Variants in PFKFB2 observed in about 807,000 individuals in gnomAD.
The protein encoded by PFKFB2 is 6-phosphofructo-2-kinase/fructose-2,6-bisphosphatase 2.
Under a neutral mutation model 68.0 loss-of-function variants are expected in PFKFB2, and 53 were observed. The ratio of observed to expected loss-of-function variants is 0.78; its 90% CI spans 0.63 to 0.98. PFKFB2 has a LOEUF of 0.98. Ranked by LOEUF, PFKFB2 falls within the 50% of genes least tolerant of loss-of-function variation. PFKFB2 has a pLI of 0.00. For synonymous variants in PFKFB2, 222 were observed against 227.6 expected (o/e 0.98, Z 0.22); for missense variants, 451 against 642.0 (o/e 0.70, Z 3.22).
At chr1:207,034,469 A>G (rs1032302415) in exon 1 of PFKFB2, 1 of 152,258 alleles carries the variant, frequency 6.6e-6, no homozygotes, top group African/African-American at 2.4e-5. Context: ...ATCCAGCTCC[A>G]TAGGTGTGTG....
chr1:207,063,197 T>C lies in PFKFB2; in HGVS notation c.363T>C (p.Asn121=), dbSNP rs770942652. Residue 121 remains asparagine, a synonymous_variant, in exon 5 of 15, where the codon AAT becomes AAC. Coordinates refer to ENST00000367080, the MANE Select transcript of PFKFB2 (RefSeq NM_006212.2). The surrounding 1 kb of genome is among the most constrained non-coding windows in gnomAD (Gnocchi z 4.1). ...EDVKAYLTEE[N]GQIAVFDATN... Reference sequence around the variant, plus strand: ...TTAAGGCGTATCTCACTGAGGAGAATGGTCAGATTGCGGTAAGCTTTATCT... The same window carrying C: ...TTAAGGCGTATCTCACTGAGGAGAACGGTCAGATTGCGGTAAGCTTTATCT... The C allele has an allele frequency of 5.6e-6, 9 of 1,613,826 alleles. No homozygotes were observed. Among genetic ancestry groups the C allele is most frequent in the Non-Finnish European group, 7.6e-6 (9 of 1,179,664 alleles).
chr1:207,043,168 T>C (rs934209729), intron 2 of PFKFB2, among the ~76,000 whole-genome samples: 3 of 152,194 alleles, frequency 2.0e-5, no homozygotes, highest in Admixed American at 6.5e-5. Context: ...TTGGGAAGCA[T>C]TGCTTTATGG....
At chr1:207,079,046 T>C, downstream of PFKFB2, 1 of 1,576,256 alleles carries the variant, frequency 6.3e-7, no homozygotes, top group Non-Finnish European at 8.7e-7. Context: ...GCCTCACCTC[T>C]CCAAACGACT....
intron 2 of PFKFB2, among the ~76,000 whole-genome samples, chr1:207,058,234 G>C (rs1211095990): frequency 6.6e-6 from 1 of 152,182 alleles, no homozygotes; most frequent in African/African-American, 2.4e-5. Flanking sequence ...GATGAATAAA[G>C]ATAAAATGTC....
Position 207,075,641 on chromosome 1 carries a change from A to T in PFKFB2, c.*3270A>T, listed in dbSNP as rs1006604129. On this transcript the variant is annotated 3_prime_UTR_variant, in exon 15 of 15. Transcript: ENST00000367080. ...ACATTAGCATTTAATCTACTGGAAT[A>T]AGCTGGTTGCTGTGGCTTATACCTG... 1.0e-6 allele frequency: 1 copy of T among 984,774 alleles called. No homozygotes were observed. The highest frequency in any genetic ancestry group is 1.7e-5 in the African/African-American group (1 of 57,218). 61.0% of individuals were successfully genotyped at this position (984,774 alleles called of 1,614,324 possible). A position where few individuals can be genotyped will look rare whatever the true frequency, so the allele number is the denominator to read the frequency against.
At chr1:207,045,761 G>A (rs1244082371) in intron 2 of PFKFB2, 2 of 152,024 alleles carry the variant, frequency 1.3e-5, no homozygotes, top group African/African-American at 4.8e-5. Flanking sequence ...TTAGGCATGG[G>A]CATTTAGGGA....
At position 207,068,604 on chromosome 1, in the gene PFKFB2, A is replaced by G. The variant is rs144556613; in HGVS notation, c.987+295A>G. 5.3e-5 allele frequency among the ~76,000 whole-genome samples: 8 copies of G among 152,222 alleles called. No individual in the cohort carries two copies. The East Asian group carries it at 1.4e-3, about 26-fold the overall frequency. ...ACAAGGACTCATTTTGTTCCTTTGT[A>G]TATTTGCCTCCTGGGAAAAATAAAT... On this transcript the variant is annotated intron_variant, in intron 10 of 14. Transcript: ENST00000367080.
upstream of PFKFB2, chr1:207,052,437 G>A: frequency 2.0e-6 from 1 of 489,588 alleles, no homozygotes; most frequent in Admixed American, 3.7e-5. Context: ...CGAGGCGGGT[G>A]AATCACCCGA....
Position 207,070,900 on chromosome 1 carries a change from A to C in PFKFB2, c.1223-288A>C. 3 of 366,966 alleles carry C rather than the reference A, an allele frequency of 8.2e-6. No individual in the cohort carries two copies. Among genetic ancestry groups the C allele is most frequent in the Non-Finnish European group, 5.0e-6 (1 of 198,636 alleles). 22.7% of individuals were successfully genotyped at this position (366,966 alleles called of 1,614,324 possible). On this transcript the variant is annotated intron_variant, in intron 12 of 14. Coordinates refer to ENST00000367080, the MANE Select transcript of PFKFB2 (RefSeq NM_006212.2). The surrounding 1 kb of genome is among the most constrained non-coding windows in gnomAD (Gnocchi z 4.2). The stretch of plus-strand genomic sequence containing the variant: ...TTGGAAGCTGTTGTGGTCAGACCTT[A>C]TTGGCCTTTGCTGTACCCAGGTGAC...
Position 207,067,681 on chromosome 1 carries a change from C to G in PFKFB2, c.815C>G (p.Ser272Cys). 1 of 1,613,968 alleles carries G rather than the reference C, an allele frequency of 6.2e-7. No individual in the cohort carries two copies. The highest frequency in any genetic ancestry group is 2.2e-5 in the East Asian group (1 of 44,878). The change falls in exon 9 of 15, where the codon TCT becomes TGT. Residue 272 changes from serine (S) to cysteine (C), a missense_variant. Ser to Cys is a moderately radical substitution (Grantham distance 112, BLOSUM62 -1). Transcript: ENST00000367080. ...CTCTTGGGGAAGATTGGGGGTGACT[C>G]TGGCCTCTCGGTGCGGGGAAAGCAG... is the stretch of plus-strand genomic sequence containing the variant. Reference protein sequence around the residue: ...FNLLGKIGGDSGLSVRGKQFA... With the variant: ...FNLLGKIGGDCGLSVRGKQFA...
intron 1 of PFKFB2, among the ~76,000 whole-genome samples, chr1:207,035,852 G>A (rs1682367722): frequency 1.3e-5 from 2 of 152,118 alleles, no homozygotes; most frequent in Admixed American, 6.5e-5. Flanking sequence ...GAGAGAGGAA[G>A]GAGGTGCTAA....
intron 8 of PFKFB2, among the ~76,000 whole-genome samples, chr1:207,067,059 A>G (rs563419342): frequency 4.3e-4 from 65 of 152,320 alleles, no homozygotes; most frequent in Non-Finnish European, 6.9e-4. Context: ...GGGAGTATAT[A>G]GACATTTCTG....
In PFKFB2 at chr1:207,063,104, C is replaced by A. The variant is rs763685440; in HGVS notation, c.309-39C>A. 4.5e-6 allele frequency: 7 copies of A among 1,567,740 alleles called. No homozygotes were observed. Among genetic ancestry groups the A allele is most frequent in the Non-Finnish European group, 4.4e-6 (5 of 1,138,422 alleles). The stretch of plus-strand genomic sequence containing the variant: ...ATGTTTGTGTCTCTGACTGTTTGAG[C>A]TTAGCTCTCCTTGCTGGTTTCATTT... On this transcript the variant is annotated intron_variant, in intron 4 of 14. Coordinates refer to ENST00000367080, the MANE Select transcript of PFKFB2 (RefSeq NM_006212.2). The surrounding 1 kb of genome is among the most constrained non-coding windows in gnomAD (Gnocchi z 4.1).
At chr1:207,051,342 A>T (rs1193396408), upstream of PFKFB2, among the ~76,000 whole-genome samples, 1 of 151,818 alleles carries the variant, frequency 6.6e-6, no homozygotes, top group Admixed American at 6.6e-5. Flanking sequence ...TGGGGCTTCC[A>T]CACTACACCC....
chr1:207,066,022 G>A (rs1236507578), intron 8 of PFKFB2, among the ~76,000 whole-genome samples: 2 of 152,098 alleles, frequency 1.3e-5, no homozygotes, highest in African/African-American at 2.4e-5. Context: ...TGTATATCAT[G>A]CATATTATAG....
At chr1:207,039,531 G>T (rs982867214) in intron 1 of PFKFB2, among the ~76,000 whole-genome samples, 9 of 152,152 alleles carry the variant, frequency 5.9e-5, no homozygotes, top group Non-Finnish European at 1.0e-4. Context: ...CTATTGGACA[G>T]TTCTAAATAA....
downstream of PFKFB2, chr1:207,077,886 A>G: frequency 1.3e-6 from 1 of 772,142 alleles, no homozygotes; most frequent in South Asian, 5.9e-5. Context: ...CACCCCTAAA[A>G]CTTTGCCTCA....
At position 207,067,732 on chromosome 1, in the gene PFKFB2, T is replaced by A. The variant is rs1183469568; in HGVS notation, c.840+26T>A. The A allele has an allele frequency of 1.9e-6, 3 of 1,564,270 alleles. No homozygotes were observed. The African/African-American group carries it at 4.1e-5, about 21-fold the overall frequency. Reference sequence around the variant, plus strand: ...GTGAGTAATTATTCAGCACACTGGATTTTCTAGGCTTAGAGTTAGAAGGGC... The same window carrying A: ...GTGAGTAATTATTCAGCACACTGGAATTTCTAGGCTTAGAGTTAGAAGGGC... On this transcript the variant is annotated intron_variant, in intron 9 of 14. Transcript: ENST00000367080.
At chr1:207,065,669 T>C (rs1683265937) in intron 8 of PFKFB2, among the ~76,000 whole-genome samples, 1 of 152,140 alleles carries the variant, frequency 6.6e-6, no homozygotes, top group Admixed American at 6.5e-5. Context: ...TTTTTTATCA[T>C]CAATTTTTTC....
Sources: gnomAD v4.1 joint callset for allele counts (sites outside exome capture counted in the v4.1 genomes callset) on GRCh38, gnomAD v4.1.1 for gene constraint, Gnocchi (gnomAD v3.1) non-coding constraint, MANE v1.5 for transcripts, NCBI Gene and HGNC (gene_info 2026-07-23, HGNC 2026-07-21) for gene names.